PPP1R16B: variants seen among roughly 807,000 people sequenced by gnomAD.
PPP1R16B encodes the protein protein phosphatase 1 regulatory subunit 16B, also known as protein phosphatase 1 regulatory inhibitor subunit 16B.
In PPP1R16B, 14 loss-of-function variants were observed where a neutral mutation model predicts 61.7. That is an observed-to-expected ratio of 0.23 (90% confidence interval 0.15 to 0.35). PPP1R16B has a LOEUF of 0.35. Ranked by LOEUF, PPP1R16B falls within the 10% of genes least tolerant of loss-of-function variation. The probability of loss-of-function intolerance (pLI) is 1.00; values close to 1 mark genes in which losing one functional copy is unlikely to be tolerated. For synonymous variants in PPP1R16B, 266 were observed against 305.3 expected (o/e 0.87, Z 1.34); for missense variants, 547 against 752.5 (o/e 0.73, Z 3.19).
At chr20:38,836,538 G>C (rs1384717490) in intron 2 of PPP1R16B, among the ~76,000 whole-genome samples, 2 of 152,142 alleles carry the variant, frequency 1.3e-5, no homozygotes, top group Non-Finnish European at 2.9e-5. Context: ...AAAAAAATTT[G>C]TAGAGATGGG....
chr20:38,866,759 T>A (rs1441088749), intron 2 of PPP1R16B, among the ~76,000 whole-genome samples: 1 of 152,204 alleles, frequency 6.6e-6, no homozygotes, highest in African/African-American at 2.4e-5. Flanking sequence ...TCTTTTAAAT[T>A]GAGGTAAAAC....
chr20:38,859,970 A>G (rs1428663325), intron 2 of PPP1R16B, among the ~76,000 whole-genome samples: 1 of 150,494 alleles, frequency 6.6e-6, no homozygotes, highest in East Asian at 1.9e-4. Context: ...TATCTTTTAC[A>G]TTTATTTATT....
chr20:38,848,655 G>A (rs1458474228), intron 2 of PPP1R16B, among the ~76,000 whole-genome samples: 2 of 152,138 alleles, frequency 1.3e-5, no homozygotes, highest in South Asian at 2.1e-4. Flanking sequence ...CCAAAGCTTT[G>A]CAGGGACATG....
chr20:38,920,179 G>C lies in PPP1R16B; in HGVS notation c.*1513G>C, dbSNP rs957876089. On this transcript the variant is annotated 3_prime_UTR_variant, in exon 11 of 11. Transcript: ENST00000299824. Reference sequence around the variant, plus strand: ...TGTGAATGGCTGTTCTCCCCTCACTGCTGAGTCTCCCAGGACCCCCTTTGG... The same window carrying C: ...TGTGAATGGCTGTTCTCCCCTCACTCCTGAGTCTCCCAGGACCCCCTTTGG... 1.3e-5 allele frequency: 2 copies of C among 152,804 alleles called. No homozygotes were observed. The highest frequency in any genetic ancestry group is 2.4e-5 in the African/African-American group (1 of 41,478). The allele number at this position is 152,804 out of a possible 1,614,324, so 9.5% of individuals were successfully genotyped here.
At chr20:38,875,755 A>T (rs2085161188) in intron 2 of PPP1R16B, among the ~76,000 whole-genome samples, 1 of 151,624 alleles carries the variant, frequency 6.6e-6, no homozygotes, top group African/African-American at 2.4e-5. Context: ...GGCCGGGGGT[A>T]GAGACAGTGG....
intron 1 of PPP1R16B, among the ~76,000 whole-genome samples, chr20:38,814,123 T>C (rs1042476901): frequency 3.9e-5 from 6 of 152,084 alleles, no homozygotes; most frequent in Non-Finnish European, 8.8e-5. Context: ...CTACTCTGAT[T>C]TTACTGTTCA....
chr20:38,897,374 G>C (rs1232778398), intron 4 of PPP1R16B, among the ~76,000 whole-genome samples: 1 of 152,086 alleles, frequency 6.6e-6, no homozygotes, highest in Non-Finnish European at 1.5e-5. Flanking sequence ...TTTTTGACTG[G>C]CATATTTCAC....
At chr20:38,816,074 T>C (rs2145705491) in intron 1 of PPP1R16B, among the ~76,000 whole-genome samples, 1 of 151,860 alleles carries the variant, frequency 6.6e-6, no homozygotes, top group East Asian at 1.9e-4. Flanking sequence ...AACAACTTGA[T>C]TAGAAGCAAA....
At chr20:38,811,902 A>G (rs974561893) in intron 1 of PPP1R16B, among the ~76,000 whole-genome samples, 1 of 152,192 alleles carries the variant, frequency 6.6e-6, no homozygotes, top group Non-Finnish European at 1.5e-5. Flanking sequence ...TGAGCCCCAT[A>G]AGGTCCGTGA....
chr20:38,892,536 A>C (rs2085300030), intron 3 of PPP1R16B, among the ~76,000 whole-genome samples: 1 of 151,738 alleles, frequency 6.6e-6, no homozygotes, highest in South Asian at 2.1e-4. Context: ...TTGTGTACCC[A>C]CTCCATGCCA....
chr20:38,898,816 A>T (rs1286170488), intron 4 of PPP1R16B, among the ~76,000 whole-genome samples: 1 of 140,474 alleles, frequency 7.1e-6, no homozygotes, highest in African/African-American at 2.9e-5. Context: ...TTTCAAAACA[A>T]CAACAACAAC....
intron 5 of PPP1R16B, among the ~76,000 whole-genome samples, chr20:38,901,031 G>T (rs1319302764): frequency 1.3e-5 from 2 of 152,186 alleles, no homozygotes; most frequent in Non-Finnish European, 2.9e-5. Flanking sequence ...CAATAATAAA[G>T]TCAAGAATAC....
rs2084658305 is a variant in PPP1R16B, at chr20:38,806,067, A to G, written c.-102+275A>G. Among the ~76,000 whole-genome samples the G allele has an allele frequency of 6.7e-6, 1 of 149,036 alleles. No homozygotes were observed. The highest frequency in any genetic ancestry group is 6.6e-5 in the Admixed American group (1 of 15,102). On this transcript the variant is annotated intron_variant, in intron 1 of 10. Transcript: ENST00000299824. The surrounding 1 kb of genome is among the most constrained non-coding windows in gnomAD (Gnocchi z 4.5). ...AGGCCAGGGGAGGGGGCGCATTGGCAGGTTGTTGGCTGCGGCCGTCGTAGA... is the reference window on the plus strand; with the variant it reads ...AGGCCAGGGGAGGGGGCGCATTGGCGGGTTGTTGGCTGCGGCCGTCGTAGA...
chr20:38,840,250 T>A (rs1165128936), intron 2 of PPP1R16B, among the ~76,000 whole-genome samples: 1 of 152,154 alleles, frequency 6.6e-6, no homozygotes, highest in Non-Finnish European at 1.5e-5. Context: ...TAGCTCACAG[T>A]GGCGTGGGAG....
intron 2 of PPP1R16B, among the ~76,000 whole-genome samples, chr20:38,861,407 A>G (rs1190469333): frequency 1.3e-5 from 2 of 152,194 alleles, no homozygotes; most frequent in East Asian, 1.9e-4. Flanking sequence ...GTCCTTGTCT[A>G]TGAGTTGCCT....
rs955134993 is a variant in PPP1R16B at position 38,826,214 on chromosome 20, G to A, written c.-101-9611G>A. Among the ~76,000 whole-genome samples the A allele has an allele frequency of 5.3e-5, 8 of 152,106 alleles. No individual in the cohort carries two copies. The East Asian group carries it at 9.6e-4, about 18-fold the overall frequency. On this transcript the variant is annotated intron_variant, in intron 1 of 10. Transcript: ENST00000299824. ...AGTTTTTATCTCCCTGTGAAGGGAG[G>A]GGGTGGACCACACTCCCTCAAGCCT... is the stretch of plus-strand genomic sequence containing the variant.
intron 2 of PPP1R16B, among the ~76,000 whole-genome samples, chr20:38,842,556 C>G (rs1486884496): frequency 6.6e-6 from 1 of 152,158 alleles, no homozygotes; most frequent in East Asian, 1.9e-4. Context: ...AGTTTTCAAA[C>G]TCTTTTTTAA....
In PPP1R16B at chr20:38,895,682, A is replaced by T; in HGVS notation, c.439A>T (p.Ile147Phe). Reference protein sequence around the residue: ...PLHAAATCGHINLVKILVQYG... With the variant: ...PLHAAATCGHFNLVKILVQYG... ...CCATGCTGCAGCCACCTGCGGCCACATCAACCTGGTGAAGATCCTCGTTCA... is the reference window on the plus strand; with the variant it reads ...CCATGCTGCAGCCACCTGCGGCCACTTCAACCTGGTGAAGATCCTCGTTCA... The change falls in exon 4 of 11, where the codon ATC (isoleucine) becomes TTC (phenylalanine). Residue 147 changes from isoleucine to phenylalanine, a missense_variant. Physicochemically the swap from Ile to Phe is conservative, Grantham distance 21. Coordinates refer to ENST00000299824, the MANE Select transcript of PPP1R16B (RefSeq NM_015568.4). 1 of 1,614,104 alleles carries T rather than the reference A, an allele frequency of 6.2e-7. No individual in the cohort carries two copies. The highest frequency in any genetic ancestry group is 1.7e-5 in the Admixed American group (1 of 60,012).
At chr20:38,887,197 C>T (rs1231141728) in intron 2 of PPP1R16B, among the ~76,000 whole-genome samples, 3 of 152,142 alleles carry the variant, frequency 2.0e-5, no homozygotes, top group Non-Finnish European at 4.4e-5. Flanking sequence ...TCAGAGGCCA[C>T]AAGAAGTGAT....
Sources: gnomAD v4.1 joint callset for allele counts (sites outside exome capture counted in the v4.1 genomes callset) on GRCh38, gnomAD v4.1.1 for gene constraint, Gnocchi (gnomAD v3.1) non-coding constraint, MANE v1.5 for transcripts, NCBI Gene and HGNC (gene_info 2026-07-23, HGNC 2026-07-21) for gene names.